DCC: variants seen among roughly 807,000 people sequenced by gnomAD.
DCC encodes the protein DCC netrin 1 receptor, also known as netrin receptor DCC.
In DCC, 58 loss-of-function variants were observed where a neutral mutation model predicts 172.5. The observed-to-expected ratio is 0.34, with a 90% CI of 0.27 to 0.42. DCC has a LOEUF of 0.42. Ranked by LOEUF, DCC falls within the 10% of genes least tolerant of loss-of-function variation. DCC has a pLI of 1.00. For synonymous variants in DCC, 709 were observed against 644.5 expected, an observed-to-expected ratio of 1.10 and a Z score of -1.52; for missense variants, 1,740 against 1,791.0, an observed-to-expected ratio of 0.97 and a Z score of 0.51.
chr18:52,880,945 C>T (rs2039476542), intron 2 of DCC, among the ~76,000 whole-genome samples: 1 of 152,062 alleles, frequency 6.6e-6, no homozygotes, highest in African/African-American at 2.4e-5. Context: ...AAACTGTTCT[C>T]CATAGGGGTT....
At chr18:52,677,530 G>T (rs2035666640) in intron 1 of DCC, among the ~76,000 whole-genome samples, 1 of 151,188 alleles carries the variant, frequency 6.6e-6, no homozygotes, top group Non-Finnish European at 1.5e-5. Flanking sequence ...TATTATTTTG[G>T]TTCAACCCAT....
chr18:52,344,695 G>T (rs1482500846), intron 1 of DCC, among the ~76,000 whole-genome samples: 3 of 152,154 alleles, frequency 2.0e-5, no homozygotes, highest in East Asian at 1.9e-4. Flanking sequence ...TTCTTTCCAT[G>T]GGAGACTGTG....
intron 2 of DCC, among the ~76,000 whole-genome samples, chr18:52,776,888 A>T (rs982531315): frequency 2.6e-5 from 4 of 152,200 alleles, no homozygotes; most frequent in African/African-American, 4.8e-5. Flanking sequence ...AAGGGCTCAG[A>T]AAGTGTCTCA....
intron 7 of DCC, among the ~76,000 whole-genome samples, chr18:53,075,288 G>A (rs931303811): frequency 6.6e-6 from 1 of 152,150 alleles, no homozygotes; most frequent in African/African-American, 2.4e-5. Flanking sequence ...TGTAGGCAGA[G>A]GTTTCTCAGC....
chr18:52,350,570 C>G (rs762744468), intron 1 of DCC, among the ~76,000 whole-genome samples: 1 of 152,072 alleles, frequency 6.6e-6, no homozygotes, highest in Non-Finnish European at 1.5e-5. Flanking sequence ...AGAAATAAGA[C>G]AGGCTGATGG....
At chr18:52,512,948 T>C (rs780185384) in intron 1 of DCC, among the ~76,000 whole-genome samples, 7 of 151,890 alleles carry the variant, frequency 4.6e-5, no homozygotes, top group Non-Finnish European at 8.8e-5. Context: ...GGCCTCAGGG[T>C]GGAGAGAAGA....
In DCC at chr18:53,447,695, A is replaced by G. The variant is rs188374098; in HGVS notation, c.3230-2805A>G. Among the ~76,000 whole-genome samples the G allele has an allele frequency of 2.8e-3, 429 of 152,320 alleles. 4 individuals are homozygous for G. The highest frequency in any genetic ancestry group is 9.7e-3 in the African/African-American group (403 of 41,576). On this transcript the variant is annotated intron_variant, in intron 22 of 28. Transcript: ENST00000442544. Reference sequence around the variant, plus strand: ...ATAAAAATCTATGAGATCCCTAACTATCTTCCTTGTAAGTTCTCACATAAA... The same window carrying G: ...ATAAAAATCTATGAGATCCCTAACTGTCTTCCTTGTAAGTTCTCACATAAA...
At chr18:53,304,411 T>C (rs2057175979) in intron 12 of DCC, among the ~76,000 whole-genome samples, 1 of 152,180 alleles carries the variant, frequency 6.6e-6, no homozygotes, top group African/African-American at 2.4e-5. Flanking sequence ...AGAGAAGGAT[T>C]ATATGATATT....
At chr18:53,498,105 A>G (rs188060434) in intron 26 of DCC, among the ~76,000 whole-genome samples, 77 of 152,356 alleles carry the variant, frequency 5.1e-4, no homozygotes, top group African/African-American at 1.8e-3. Context: ...AAGAATGAGT[A>G]TAGATACCCT....
At chr18:52,773,470 T>A (rs149621133) in intron 2 of DCC, among the ~76,000 whole-genome samples, 2,006 of 151,430 alleles carry the variant, frequency 0.013, 77 homozygotes, top group South Asian at 0.12. Context: ...TTATAGGAAT[T>A]GAAAAATTAA....
At chr18:52,852,635 A>G (rs906489736) in intron 2 of DCC, among the ~76,000 whole-genome samples, 2 of 144,054 alleles carry the variant, frequency 1.4e-5, no homozygotes, top group African/African-American at 5.9e-5. Flanking sequence ...CTATTTGGTT[A>G]AAATTTGGTT....
chr18:53,155,816 C>A (rs1444308358), intron 7 of DCC, among the ~76,000 whole-genome samples: 1 of 152,228 alleles, frequency 6.6e-6, no homozygotes, highest in Non-Finnish European at 1.5e-5. Flanking sequence ...CATCTGAGGT[C>A]AGGAGATCAA....
chr18:53,021,447 T>C (rs1249139684), intron 5 of DCC, among the ~76,000 whole-genome samples: 1 of 152,126 alleles, frequency 6.6e-6, no homozygotes, highest in Non-Finnish European at 1.5e-5. Context: ...AGCTGAGAAG[T>C]CAAGTGAGGG....
chr18:53,299,127 A>T (rs992546393), intron 12 of DCC, among the ~76,000 whole-genome samples: 1 of 152,158 alleles, frequency 6.6e-6, no homozygotes, highest in African/African-American at 2.4e-5. Flanking sequence ...ATGTCCACAC[A>T]TGTGCACCTA....
In DCC at chr18:53,249,813, TA is replaced by T. The variant is rs58285396; in HGVS notation, c.1911+34220del. Among the ~76,000 whole-genome samples the T allele has an allele frequency of 2.4e-3, 371 of 152,094 alleles. 1 individual carries two copies. Among genetic ancestry groups the T allele is most frequent in the African/African-American group, 8.7e-3 (361 of 41,526 alleles). ...AGTCAGCACTTATTTCAACCTTCAATAAAAGTTAATGGCATCATGATTAATT... is the reference window on the plus strand; with the variant it reads ...AGTCAGCACTTATTTCAACCTTCAATAAAGTTAATGGCATCATGATTAATT... On this transcript the variant is annotated intron_variant, in intron 12 of 28. Coordinates refer to ENST00000442544, the MANE Select transcript of DCC (RefSeq NM_005215.4).
chr18:53,049,392 C>A (rs1354174915), intron 5 of DCC, among the ~76,000 whole-genome samples: 1 of 152,052 alleles, frequency 6.6e-6, no homozygotes, highest in African/African-American at 2.4e-5. Context: ...CAGTTTCAAT[C>A]TTCTGCATAT....
At chr18:52,943,687 T>G (rs2040497802) in intron 5 of DCC, among the ~76,000 whole-genome samples, 1 of 152,148 alleles carries the variant, frequency 6.6e-6, no homozygotes, top group Admixed American at 6.5e-5. Context: ...GTAGAGGATA[T>G]TCTGAGTTTA....
At chr18:52,938,473 G>A (rs1415204171) in intron 5 of DCC, among the ~76,000 whole-genome samples, 1 of 151,998 alleles carries the variant, frequency 6.6e-6, no homozygotes, top group Non-Finnish European at 1.5e-5. Flanking sequence ...TATTATTTAA[G>A]AAAAATAATT....
chr18:53,178,677 G>T (rs1485909513), intron 8 of DCC, among the ~76,000 whole-genome samples: 1 of 152,104 alleles, frequency 6.6e-6, no homozygotes, highest in Non-Finnish European at 1.5e-5. Flanking sequence ...CATGGGTTTT[G>T]AATTCCAAAT....
Sources: allele counts gnomAD v4.1 joint callset (sites outside exome capture counted in the v4.1 genomes callset), GRCh38; gene constraint gnomAD v4.1.1; transcripts MANE v1.5; gene names NCBI Gene and HGNC (gene_info 2026-07-23, HGNC 2026-07-21).